The following VWA5B1 variants were observed in gnomAD, a reference collection of about 807,000 sequenced individuals.
The protein encoded by VWA5B1 is von Willebrand factor A domain-containing protein 5B1.
A neutral mutation model predicts 118.2 loss-of-function variants in VWA5B1; 115 were observed. That is an observed-to-expected ratio of 0.97 (90% CI 0.84 to 1.14). The LOEUF (loss-of-function observed/expected upper bound fraction) is 1.14, where lower values mean the gene tolerates loss of function less well. Among genes scored for constraint, VWA5B1 ranks in the 50% most tolerant of loss-of-function variants. VWA5B1 has a pLI of 0.00. For synonymous variants in VWA5B1, 682 were observed against 658.4 expected, an observed-to-expected ratio of 1.04 and a Z score of -0.55; for missense variants, 1,596 against 1,603.8, an observed-to-expected ratio of 1.00 and a Z score of 0.08.
chr1:20,334,003 G>A (rs2089645816), intron 12 of VWA5B1, among the ~76,000 whole-genome samples: 1 of 152,250 alleles, frequency 6.6e-6, no homozygotes, highest in Non-Finnish European at 1.5e-5. Flanking sequence ...CAGTTGGAAA[G>A]GCAATAGGGA....
At chr1:20,294,690 G>T (rs1186687285) in intron 1 of VWA5B1, among the ~76,000 whole-genome samples, 1 of 151,446 alleles carries the variant, frequency 6.6e-6, no homozygotes, top group African/African-American at 2.4e-5. Context: ...TGTTGGTCTG[G>T]CTGGTCTCAA....
At chr1:20,292,218 A>C (rs1231862363) in intron 1 of VWA5B1, among the ~76,000 whole-genome samples, 1 of 123,434 alleles carries the variant, frequency 8.1e-6, no homozygotes, top group Non-Finnish European at 1.6e-5. Context: ...TTTTTTTTAG[A>C]CTTAGGAAGT....
intron 8 of VWA5B1, among the ~76,000 whole-genome samples, chr1:20,324,632 C>T (rs985632179): frequency 6.6e-6 from 1 of 152,274 alleles, no homozygotes; most frequent in South Asian, 2.1e-4. Context: ...CAGAGTGGGG[C>T]TCTGCCGTCA....
intron 1 of VWA5B1, among the ~76,000 whole-genome samples, chr1:20,296,786 T>C (rs975812663): frequency 6.6e-6 from 1 of 152,264 alleles, no homozygotes; most frequent in African/African-American, 2.4e-5. Context: ...CCCTTTCCTA[T>C]GACACGTTGG....
intron 11 of VWA5B1, among the ~76,000 whole-genome samples, chr1:20,331,793 C>T (rs561648748): frequency 3.7e-4 from 56 of 152,094 alleles, no homozygotes; most frequent in African/African-American, 1.3e-3. Context: ...TGTCACCTAA[C>T]GGCATTTCTT....
intron 21 of VWA5B1, 90 bp from the exon 22 acceptor site, chr1:20,353,667 G>C: frequency 7.0e-7 from 1 of 1,418,516 alleles, no homozygotes. Context: ...GCAGGGTGGG[G>C]TGGGCAACAT....
rs2089905918 is a variant in VWA5B1, at chr1:20,342,604, A to T, written c.2306A>T (p.Asp769Val). ...ACTTCTGACAGCCGAAGCCCTGGAG[A>T]TCTGGGTAAGTGACCACAGGGTCCA... ...ERTSDSRSPGDLEPSHHPSAF... is the reference protein window; with the variant it reads ...ERTSDSRSPGVLEPSHHPSAF... The change falls in exon 15 of 22, where the codon GAT becomes GTT. Residue 769 changes from aspartate (D) to valine (V), a missense_variant. Physicochemically the swap from Asp to Val is radical, Grantham distance 152 (BLOSUM62 -3). Coordinates refer to ENST00000289815, the MANE Select transcript of VWA5B1 (RefSeq NM_001039500.3). 1 of 1,484,154 alleles carries T rather than the reference A, an allele frequency of 6.7e-7. No homozygotes were observed. Among genetic ancestry groups the T allele is most frequent in the Non-Finnish European group, 8.9e-7 (1 of 1,117,754 alleles). The allele number at this position is 1,484,154 out of a possible 1,614,324, so 91.9% of individuals were successfully genotyped here.
In VWA5B1 at chr1:20,354,251, G is replaced by A. The variant is rs115923738; in HGVS notation, c.3636G>A (p.Pro1212=). 3.2e-3 allele frequency: 4,822 copies of A among 1,504,360 alleles called. 114 individuals are homozygous for A. The African/African-American group carries it at 0.054, about 17-fold the overall frequency. 93.2% of individuals were successfully genotyped at this position (1,504,360 alleles called of 1,614,324 possible). A position where few individuals can be genotyped will look rare whatever the true frequency, so the allele number is the denominator to read the frequency against. The change falls in exon 22 of 22, where the codon CCG becomes CCA. Residue 1212 remains proline (P), a synonymous_variant. Transcript: ENST00000289815. ...AGTTCAATATGCTCTGCTATAACCC[G>A]AATTATGTGTAGTTGAGTGACGGGG... is the stretch of plus-strand genomic sequence containing the variant. ...NLEFNMLCYN[P]NYV is the part of the protein sequence containing the mutation.
At chr1:20,308,242 G>C (rs2088724971) in intron 1 of VWA5B1, among the ~76,000 whole-genome samples, 2 of 140,686 alleles carry the variant, frequency 1.4e-5, no homozygotes, top group African/African-American at 5.0e-5. Context: ...CATTCCTAAA[G>C]GGTCAATGCT....
intron 21 of VWA5B1, 120 bp from the exon 22 acceptor site, chr1:20,353,637 C>A: frequency 7.6e-7 from 1 of 1,317,776 alleles, no homozygotes; most frequent in East Asian, 2.6e-5. Context: ...ACCTGGGTAT[C>A]CTGAAAATCC....
intron 20 of VWA5B1, 104 bp downstream of exon 20, chr1:20,351,030 G>A: frequency 8.6e-7 from 1 of 1,158,282 alleles, no homozygotes; most frequent in Non-Finnish European, 1.2e-6. Context: ...GGTTCAGCCT[G>A]ACATTTAGGC....
intron 11 of VWA5B1, among the ~76,000 whole-genome samples, chr1:20,331,272 T>G (rs980639090): frequency 6.6e-6 from 1 of 152,128 alleles, no homozygotes. Flanking sequence ...TGGATTGAAG[T>G]TGTGTTTGAG....
chr1:20,352,112 G>A lies in VWA5B1; in HGVS notation c.3081G>A (p.Lys1027=). ...LTRAAKGFLS[K]PLIKAVESTS... The stretch of plus-strand genomic sequence containing the variant: ...GAGCAGCCAAGGGCTTCCTGAGCAA[G>A]CCACTGATCAAAGCTGTGGAGTCGA... The change falls in exon 21 of 22, where the codon AAG becomes AAA. Residue 1027 remains lysine (K), a synonymous_variant. Coordinates refer to ENST00000289815, the MANE Select transcript of VWA5B1 (RefSeq NM_001039500.3). The A allele has an allele frequency of 6.4e-7, 1 of 1,551,450 alleles. No individual in the cohort carries two copies. Among genetic ancestry groups the A allele is most frequent in the Non-Finnish European group, 8.7e-7 (1 of 1,146,954 alleles).
chr1:20,338,021 C>A (rs142657666), intron 14 of VWA5B1, 185 bp downstream of exon 14: 5 of 766,054 alleles, frequency 6.5e-6, no homozygotes, highest in African/African-American at 3.4e-5. Context: ...ATCAGGACAC[C>A]CACCGGTCAA....
intron 1 of VWA5B1, among the ~76,000 whole-genome samples, chr1:20,304,976 A>G (rs1321459855): frequency 6.6e-6 from 1 of 152,108 alleles, no homozygotes; most frequent in South Asian, 2.1e-4. Flanking sequence ...CATTCAGCAA[A>G]TACTTATTGA....
At position 20,317,784 on chromosome 1, in the gene VWA5B1, C is replaced by T. The variant is rs192852857; in HGVS notation, c.709+109C>T. ...AAAGCCAACTGGCCCAGATGGCAGA[C>T]CTACTAAAGTACACAAAGCCTGTGG... On this transcript the variant is annotated intron_variant, in intron 5 of 21. Transcript: ENST00000289815. 113 of 1,351,908 alleles carry T rather than the reference C, an allele frequency of 8.4e-5. No individual in the cohort carries two copies. In the African/African-American group the frequency reaches 1.3e-3, roughly 16 times the overall value. 83.7% of individuals were successfully genotyped at this position (1,351,908 alleles called of 1,614,324 possible). A position where few individuals can be genotyped will look rare whatever the true frequency, so the allele number is the denominator to read the frequency against.
chr1:20,313,363 A>T (rs2088906387), intron 3 of VWA5B1, among the ~76,000 whole-genome samples: 1 of 152,228 alleles, frequency 6.6e-6, no homozygotes. Flanking sequence ...TTGCTCACAA[A>T]TGGTGGAGCT....
intron 4 of VWA5B1, among the ~76,000 whole-genome samples, chr1:20,316,353 G>C (rs1370172921): frequency 6.6e-6 from 1 of 152,168 alleles, no homozygotes; most frequent in Non-Finnish European, 1.5e-5. Flanking sequence ...GGAACAACAA[G>C]TACAATGTAA....
chr1:20,314,299 C>G, intron 3 of VWA5B1, 23 bp from the exon 4 acceptor site: 1 of 1,550,508 alleles, frequency 6.4e-7, no homozygotes, highest in Non-Finnish European at 8.7e-7. Flanking sequence ...ATGTACAGCC[C>G]CTGACGCCAG....
Sources: allele counts gnomAD v4.1 joint callset (sites outside exome capture counted in the v4.1 genomes callset), GRCh38; gene constraint gnomAD v4.1.1; transcripts MANE v1.5; gene names NCBI Gene and HGNC (gene_info 2026-07-23, HGNC 2026-07-21).